Variants in NFATC1 observed in about 807,000 individuals in gnomAD.
The protein encoded by NFATC1 is nuclear factor of activated T-cells, cytoplasmic 1.
Under a neutral mutation model 76.0 loss-of-function variants are expected in NFATC1, and 22 were observed. The observed-to-expected ratio is 0.29, with a 90% CI of 0.21 to 0.41. The LOEUF is 0.41. Among genes scored for constraint, NFATC1 ranks in the 10% least tolerant of loss-of-function variants. The probability of loss-of-function intolerance (pLI) is 1.00; values close to 1 mark genes in which losing one functional copy is unlikely to be tolerated. For missense variants in NFATC1, 1,357 were observed against 1,337.7 expected, an observed-to-expected ratio of 1.01 and a Z score of -0.23; for synonymous variants, 704 against 613.1, an observed-to-expected ratio of 1.15 and a Z score of -2.19.
At chr18:79,517,425 G>A (rs904033817) in intron 9 of NFATC1, among the ~76,000 whole-genome samples, 3 of 152,164 alleles carry the variant, frequency 2.0e-5, no homozygotes, top group African/African-American at 7.2e-5. Context: ...GTAAGCTGGG[G>A]ACAATTGCGT....
intron 1 of NFATC1, chr18:79,402,500 C>A: frequency 4.5e-6 from 3 of 668,722 alleles, no homozygotes; most frequent in Middle Eastern, 7.8e-4. Context: ...TCCGGAGCTG[C>A]GCCCTTCCCC....
chr18:79,468,910 G>A (rs1295112902), intron 8 of NFATC1: 2 of 144,576 alleles, frequency 1.4e-5, no homozygotes, highest in African/African-American at 2.9e-5. Flanking sequence ...CGGGATTGTG[G>A]GGAAGAGCCT....
At chr18:79,488,298 T>TGTGTGTGTGTGTG (rs1491433858) in intron 9 of NFATC1, among the ~76,000 whole-genome samples, 2 of 141,010 alleles carry the variant, frequency 1.4e-5, no homozygotes, top group African/African-American at 6.0e-5. Context: ...GCAGCCCTGG[T>TGTGTGTGTGTGTG]TGTGTGTGTG....
At chr18:79,489,225 C>T (rs1323071495) in intron 9 of NFATC1, among the ~76,000 whole-genome samples, 2 of 152,204 alleles carry the variant, frequency 1.3e-5, no homozygotes, top group Non-Finnish European at 2.9e-5. Context: ...GATGTTGGAG[C>T]TGCATGGGTG....
rs546268645 is a variant in NFATC1 at position 79,511,807 on chromosome 18, C to T, written c.2783-15721C>T. 2.9e-3 allele frequency among the ~76,000 whole-genome samples: 446 copies of T among 152,224 alleles called. 6 individuals are homozygous for T. Among genetic ancestry groups the T allele is most frequent in the Non-Finnish European group, 8.4e-4 (57 of 67,998 alleles). On this transcript the variant is annotated intron_variant, in intron 9 of 9. Transcript: ENST00000427363. The stretch of plus-strand genomic sequence containing the variant: ...CGAGGAGAGCTGCTGAAGCTCAGGA[C>T]GTGCAGTGGAGCTGGGAGATGTGGA...
intron 9 of NFATC1, among the ~76,000 whole-genome samples, chr18:79,519,657 C>T (rs986074888): frequency 6.6e-6 from 1 of 152,166 alleles, no homozygotes; most frequent in Non-Finnish European, 1.5e-5. Context: ...GTTTTTAAAA[C>T]AACAGCAAGA....
intron 1 of NFATC1, among the ~76,000 whole-genome samples, chr18:79,405,091 T>A (rs1373493802): frequency 6.6e-6 from 1 of 152,194 alleles, no homozygotes; most frequent in East Asian, 1.9e-4. Flanking sequence ...CGCGTGGCCG[T>A]CTGTCCTAGC....
rs115401066 is a variant in NFATC1 at position 79,498,860 on chromosome 18, A to G, written c.2782+11923A>G. The stretch of plus-strand genomic sequence containing the variant: ...ATCGTGGATGTCGGAGGACAGTGGG[A>G]CGGCGCATTCAAAATGCTGAAAGAA... On this transcript the variant is annotated intron_variant, in intron 9 of 9. Coordinates refer to ENST00000427363, the MANE Select transcript of NFATC1 (RefSeq NM_001278669.2). Among the ~76,000 whole-genome samples the G allele has an allele frequency of 9.6e-3, 1,462 of 152,290 alleles. 27 individuals are homozygous for G. Among genetic ancestry groups the G allele is most frequent in the African/African-American group, 0.034 (1,410 of 41,532 alleles).
intron 9 of NFATC1, among the ~76,000 whole-genome samples, chr18:79,513,558 G>C (rs1047991273): frequency 6.6e-6 from 1 of 152,262 alleles, no homozygotes; most frequent in Non-Finnish European, 1.5e-5. Context: ...GTGGTGGTGA[G>C]GGACACGTGC....
chr18:79,424,741 G>A (rs1252340883), intron 2 of NFATC1, among the ~76,000 whole-genome samples: 2 of 141,810 alleles, frequency 1.4e-5, no homozygotes, highest in African/African-American at 2.7e-5. Flanking sequence ...GTCTCTGTCT[G>A]TGTCTGTCCC....
intron 1 of NFATC1, among the ~76,000 whole-genome samples, chr18:79,401,786 T>C (rs2085266972): frequency 6.6e-6 from 1 of 152,020 alleles, no homozygotes; most frequent in Non-Finnish European, 1.5e-5. Context: ...GGGGGTCGGG[T>C]GGGACCTCCC....
chr18:79,437,673 C>T (rs139094727), intron 3 of NFATC1, among the ~76,000 whole-genome samples: 7 of 152,328 alleles, frequency 4.6e-5, no homozygotes, highest in East Asian at 1.9e-4. Context: ...CTCGGGCAGC[C>T]GCCACCCTCT....
rs1335205534 is a variant in NFATC1, at chr18:79,465,143, T to G, written c.1960-2307T>G. On this transcript the variant is annotated intron_variant, in intron 7 of 9. Coordinates refer to ENST00000427363, the MANE Select transcript of NFATC1 (RefSeq NM_001278669.2). This position sits in a 1 kb window ranked among gnomAD's most constrained non-coding sequence, Gnocchi z 4.2. ...GCTGGTGCCATTTGGAACCCGTATT[T>G]TTTCCGGTACAGACGAGTTTCCCTC... Among the ~76,000 whole-genome samples the G allele has an allele frequency of 6.6e-6, 1 of 152,228 alleles. No individual in the cohort carries two copies.
intron 1 of NFATC1, among the ~76,000 whole-genome samples, chr18:79,408,694 G>A (rs1429919888): frequency 6.6e-6 from 1 of 152,184 alleles, no homozygotes; most frequent in East Asian, 1.9e-4. Flanking sequence ...ACATATGTAG[G>A]TCCTTAGATC....
rs962228675 is a variant in NFATC1 at position 79,421,893 on chromosome 18, G to A, written c.1226+10392G>A. ...TTGGTGCTGGGTCTTCTCCGACCCCGAGGGCCAAGGGTGCTCTGTAGCTCC... is the reference window on the plus strand; with the variant it reads ...TTGGTGCTGGGTCTTCTCCGACCCCAAGGGCCAAGGGTGCTCTGTAGCTCC... On this transcript the variant is annotated intron_variant, in intron 2 of 9. Coordinates refer to ENST00000427363, the MANE Select transcript of NFATC1 (RefSeq NM_001278669.2). 3.9e-5 allele frequency: 6 copies of A among 152,402 alleles called. No individual in the cohort carries two copies. The South Asian group carries it at 8.3e-4, about 21-fold the overall frequency. The allele number at this position is 152,402 out of a possible 1,614,324, so 9.4% of individuals were successfully genotyped here. A position where few individuals can be genotyped will look rare whatever the true frequency, so the allele number is the denominator to read the frequency against.
intron 2 of NFATC1, among the ~76,000 whole-genome samples, chr18:79,430,936 G>A (rs542168865): frequency 6.6e-6 from 1 of 152,226 alleles, no homozygotes; most frequent in Non-Finnish European, 1.5e-5. Flanking sequence ...TGTCCTTCCT[G>A]TGTGGAGGCC....
At chr18:79,463,220 G>A (rs1199065861) in intron 7 of NFATC1, among the ~76,000 whole-genome samples, 4 of 152,120 alleles carry the variant, frequency 2.6e-5, no homozygotes, top group African/African-American at 9.7e-5. Flanking sequence ...GCACTCACAG[G>A]GTTCCAGTTC....
intron 9 of NFATC1, among the ~76,000 whole-genome samples, chr18:79,489,554 A>G (rs1181490225): frequency 6.6e-6 from 1 of 152,192 alleles, no homozygotes; most frequent in Non-Finnish European, 1.5e-5. Flanking sequence ...CTCCCCGCAG[A>G]GTGAGCTCAG....
chr18:79,476,235 G>A (rs1012144812), intron 8 of NFATC1, among the ~76,000 whole-genome samples: 1 of 152,252 alleles, frequency 6.6e-6, no homozygotes, highest in South Asian at 2.1e-4. Context: ...GCCTGTCCAC[G>A]TGCAGCCGCC....
Sources: gnomAD v4.1 joint callset for allele counts (sites outside exome capture counted in the v4.1 genomes callset) on GRCh38, gnomAD v4.1.1 for gene constraint, Gnocchi (gnomAD v3.1) non-coding constraint, MANE v1.5 for transcripts, NCBI Gene and HGNC (gene_info 2026-07-23, HGNC 2026-07-21) for gene names.